Variants in RYR2 observed in about 807,000 individuals in gnomAD.
RYR2 encodes the protein cardiac muscle ryanodine receptor-calcium release channel.
In RYR2, 227 loss-of-function variants were observed where a neutral mutation model predicts 601.1. The ratio of observed to expected loss-of-function variants is 0.38; its 90% CI spans 0.34 to 0.42. RYR2 has a LOEUF of 0.42. Among genes scored for constraint, RYR2 ranks in the 10% least tolerant of loss-of-function variants. The probability of loss-of-function intolerance (pLI) is 1.00; values close to 1 mark genes in which losing one functional copy is unlikely to be tolerated. For synonymous variants in RYR2, 2,223 were observed against 2,175.1 expected (o/e 1.02, Z -0.61); for missense variants, 4,646 against 6,156.5 (o/e 0.75, Z 8.21).
intron 24 of RYR2, among the ~76,000 whole-genome samples, chr1:237,518,317 A>G (rs1310719430): frequency 6.6e-6 from 1 of 152,094 alleles, no homozygotes; most frequent in Non-Finnish European, 1.5e-5. Flanking sequence ...TGTTACATGC[A>G]TAAAGTAACA....
intron 101 of RYR2, among the ~76,000 whole-genome samples, chr1:237,825,360 A>G (rs1234218941): frequency 6.6e-6 from 1 of 152,172 alleles, no homozygotes. Context: ...AAATAACACC[A>G]CACATCTACA....
chr1:237,605,734 T>A (rs1677046480), intron 35 of RYR2, among the ~76,000 whole-genome samples: 1 of 151,934 alleles, frequency 6.6e-6, no homozygotes, highest in African/African-American at 2.4e-5. Flanking sequence ...GGATACAAAA[T>A]CAATGTGCAA....
chr1:237,107,034 T>C (rs1668759811), intron 1 of RYR2, among the ~76,000 whole-genome samples: 1 of 152,256 alleles, frequency 6.6e-6, no homozygotes, highest in Admixed American at 6.5e-5. Flanking sequence ...GGAGGTTAAT[T>C]TGGATTAAGA....
At chr1:237,530,239 A>T (rs1318372614) in intron 24 of RYR2, among the ~76,000 whole-genome samples, 188 bp from the exon 25 acceptor site, 1 of 151,252 alleles carries the variant, frequency 6.6e-6, no homozygotes, top group African/African-American at 2.4e-5. Flanking sequence ...TGAATCCGGG[A>T]GGCGGAGCTT....
intron 26 of RYR2, 103 bp from the exon 27 acceptor site, chr1:237,550,441 C>T: frequency 7.5e-7 from 1 of 1,335,072 alleles, no homozygotes; most frequent in Non-Finnish European, 1.0e-6. Context: ...GTGGAAGGGT[C>T]ACGTTTTTCT....
At chr1:237,730,147 T>C in intron 76 of RYR2, 113 bp from the exon 77 acceptor site, 1 of 648,940 alleles carries the variant, frequency 1.5e-6, no homozygotes, top group Admixed American at 2.4e-5. Context: ...ATAGAGAATT[T>C]ATTTCTATTT....
chr1:237,668,559 G>A (rs1301858200), intron 58 of RYR2, among the ~76,000 whole-genome samples: 1 of 152,254 alleles, frequency 6.6e-6, no homozygotes, highest in Non-Finnish European at 1.5e-5. Flanking sequence ...GCGCGCATAT[G>A]CGCTGTCGTT....
At chr1:237,738,159 T>G (rs1007297456) in intron 79 of RYR2, among the ~76,000 whole-genome samples, 2 of 152,224 alleles carry the variant, frequency 1.3e-5, no homozygotes, top group African/African-American at 2.4e-5. Context: ...AAGAGACTGT[T>G]GTATGTGTCT....
At chr1:237,395,712 A>G (rs1364229999) in intron 10 of RYR2, among the ~76,000 whole-genome samples, 6 of 151,750 alleles carry the variant, frequency 4.0e-5, no homozygotes, top group Non-Finnish European at 8.8e-5. Flanking sequence ...ACGCCTGGCT[A>G]ATTTTTTGTA....
At chr1:237,698,890 C>A (rs2149025950) in intron 63 of RYR2, 75 bp from the exon 64 acceptor site, 3 of 780,104 alleles carry the variant, frequency 3.8e-6, no homozygotes, top group Non-Finnish European at 4.1e-6. Flanking sequence ...ATTTTTCTAG[C>A]ACAAATATTG....
intron 1 of RYR2, among the ~76,000 whole-genome samples, chr1:237,165,361 T>C (rs1201598117): frequency 6.6e-6 from 1 of 152,204 alleles, no homozygotes; most frequent in African/African-American, 2.4e-5. Context: ...GCTGAACTAA[T>C]AGAGGCAAAC....
chr1:237,228,400 C>T (rs1171104631), intron 1 of RYR2, among the ~76,000 whole-genome samples: 1 of 152,196 alleles, frequency 6.6e-6, no homozygotes, highest in Non-Finnish European at 1.5e-5. Flanking sequence ...GCTGGTTCCA[C>T]ATTTTTGCAA....
intron 23 of RYR2, among the ~76,000 whole-genome samples, chr1:237,507,840 C>T (rs949698482): frequency 2.0e-5 from 3 of 152,224 alleles, no homozygotes; most frequent in African/African-American, 7.2e-5. Flanking sequence ...AAAGTGACTG[C>T]AAGTCACTGT....
At chr1:237,718,074 G>A (rs1459299095) in intron 72 of RYR2, among the ~76,000 whole-genome samples, 4 of 152,152 alleles carry the variant, frequency 2.6e-5, no homozygotes, top group Non-Finnish European at 4.4e-5. Context: ...TTGATTCTCA[G>A]TTGCATTTTC....
At chr1:237,069,346 T>C (rs751604151) in intron 1 of RYR2, among the ~76,000 whole-genome samples, 27 of 152,108 alleles carry the variant, frequency 1.8e-4, no homozygotes, top group Non-Finnish European at 2.9e-4. Flanking sequence ...GGAACATAAA[T>C]GGACTTCTTT....
intron 24 of RYR2, among the ~76,000 whole-genome samples, chr1:237,512,694 G>C (rs1030949405): frequency 3.3e-5 from 5 of 152,128 alleles, no homozygotes; most frequent in Non-Finnish European, 7.3e-5. Context: ...GCTACATAGT[G>C]AGACCCCATG....
chr1:237,324,548 C>G (rs1009364536), intron 2 of RYR2, among the ~76,000 whole-genome samples: 2 of 152,180 alleles, frequency 1.3e-5, no homozygotes, highest in African/African-American at 4.8e-5. Flanking sequence ...ATTCTGAGCT[C>G]TCAATCTGAT....
chr1:237,097,105 C>A (rs1667577537), intron 1 of RYR2, among the ~76,000 whole-genome samples: 1 of 152,098 alleles, frequency 6.6e-6, no homozygotes, highest in African/African-American at 2.4e-5. Flanking sequence ...TCTTCTTTTT[C>A]AACTTCTAGA....
rs563713101 is a variant in RYR2 at position 237,530,384 on chromosome 1, T to C, written c.2823-43T>C. On this transcript the variant is annotated intron_variant, in intron 24 of 104. Coordinates refer to ENST00000366574, the MANE Select transcript of RYR2 (RefSeq NM_001035.3). ...CTGCTGTCTTGGGTTATTCTGGACA[T>C]AGAGAAGAAATGATCACACTTATCT... 267 of 1,421,608 alleles carry C rather than the reference T, an allele frequency of 1.9e-4. 1 individual carries two copies. The South Asian group carries it at 3.0e-3, about 16-fold the overall frequency. The allele number at this position is 1,421,608 out of a possible 1,614,324, so 88.1% of individuals were successfully genotyped here. A position where few individuals can be genotyped will look rare whatever the true frequency, so the allele number is the denominator to read the frequency against.
Sources: gnomAD v4.1 joint callset for allele counts (sites outside exome capture counted in the v4.1 genomes callset) on GRCh38, gnomAD v4.1.1 for gene constraint, MANE v1.5 for transcripts, NCBI Gene and HGNC (gene_info 2026-07-23, HGNC 2026-07-21) for gene names.